Variants in HLCS observed in about 807,000 individuals in gnomAD.
The protein encoded by HLCS is biotin--protein ligase.
A neutral mutation model predicts 75.0 loss-of-function variants in HLCS; 53 were observed. The ratio of observed to expected loss-of-function variants is 0.71; its 90% CI spans 0.57 to 0.89. HLCS has a LOEUF of 0.89. Ranked by LOEUF, HLCS falls within the 40% of genes least tolerant of loss-of-function variation. HLCS has a pLI of 0.00. For synonymous variants in HLCS, 431 were observed against 428.6 expected, an observed-to-expected ratio of 1.01 and a Z score of -0.07; for missense variants, 966 against 1,074.0, an observed-to-expected ratio of 0.90 and a Z score of 1.41.
intron 8 of HLCS, among the ~76,000 whole-genome samples, chr21:36,761,178 C>T (rs1486387342): frequency 4.6e-5 from 7 of 152,284 alleles, no homozygotes; most frequent in East Asian, 1.9e-4. Context: ...GAGGGAGAAA[C>T]GGAAGCTTAG....
chr21:36,799,007 A>T (rs529023988), intron 6 of HLCS, among the ~76,000 whole-genome samples: 46 of 152,110 alleles, frequency 3.0e-4, no homozygotes, highest in African/African-American at 1.0e-3. Context: ...TGTGTTTTAT[A>T]AAAAAAAGAA....
intron 6 of HLCS, among the ~76,000 whole-genome samples, chr21:36,838,330 C>A (rs76794540): frequency 0.021 from 2,946 of 138,546 alleles, 36 homozygotes; most frequent in Middle Eastern, 0.034. Context: ...ACACACACAC[C>A]CCCACAACCA....
At position 36,826,171 on chromosome 21, in the gene HLCS, C is replaced by T. The variant is rs558152271; in HGVS notation, c.1893-58886G>A. ...TACACTGCACACTCGTGAAACAGTT[C>T]CTAACAAGCCTAGATGAATTTCAGT... On this transcript the variant is annotated intron_variant, in intron 6 of 10. Transcript: ENST00000674895. Among the ~76,000 whole-genome samples, 11 of 152,260 alleles carry T rather than the reference C, an allele frequency of 7.2e-5. No homozygotes were observed. The Middle Eastern group carries it at 0.01, about 141-fold the overall frequency.
intron 6 of HLCS, among the ~76,000 whole-genome samples, chr21:36,829,944 A>C (rs1167227148): frequency 6.6e-6 from 1 of 152,218 alleles, no homozygotes; most frequent in African/African-American, 2.4e-5. Context: ...TGTCCCCCTA[A>C]AAATTCAGAT....
intron 6 of HLCS, among the ~76,000 whole-genome samples, chr21:36,797,734 T>C (rs2061069525): frequency 6.6e-6 from 1 of 152,206 alleles, no homozygotes; most frequent in African/African-American, 2.4e-5. Flanking sequence ...GCCGTTAGCG[T>C]AGGATGCAAT....
intron 6 of HLCS, among the ~76,000 whole-genome samples, chr21:36,836,557 A>G (rs1297391511): frequency 2.0e-5 from 3 of 149,124 alleles, no homozygotes; most frequent in Non-Finnish European, 4.4e-5. Context: ...AAAAGAAACT[A>G]CCATCAGAGT....
intron 5 of HLCS, among the ~76,000 whole-genome samples, chr21:36,917,540 G>T (rs1251281180): frequency 1.3e-5 from 2 of 152,162 alleles, no homozygotes. Context: ...AAACACACAA[G>T]TCTTAATCTT....
chr21:36,828,655 C>T (rs1302545746), intron 6 of HLCS, among the ~76,000 whole-genome samples: 2 of 151,982 alleles, frequency 1.3e-5, no homozygotes, highest in African/African-American at 2.4e-5. Flanking sequence ...AGTGGATAAG[C>T]AATTAAAGAT....
chr21:36,909,479 G>GT (rs2065607966), intron 5 of HLCS, among the ~76,000 whole-genome samples: 1 of 152,182 alleles, frequency 6.6e-6, no homozygotes, highest in African/African-American at 2.4e-5. Context: ...GCTTGAATCT[G>GT]TATCTAGTGC....
At chr21:36,843,011 C>G (rs1304862345) in intron 6 of HLCS, among the ~76,000 whole-genome samples, 1 of 152,212 alleles carries the variant, frequency 6.6e-6, no homozygotes, top group African/African-American at 2.4e-5. Context: ...GTCTTATCTT[C>G]TAGACTTTGG....
intron 6 of HLCS, among the ~76,000 whole-genome samples, chr21:36,849,597 G>C (rs903914158): frequency 5.9e-5 from 9 of 152,160 alleles, no homozygotes; most frequent in African/African-American, 2.2e-4. Context: ...TTTCTGCTGG[G>C]GGCAGGGGTA....
rs1164028066 is a variant in HLCS at position 36,896,557 on chromosome 21, C to T, written c.1892+303G>A. ...AATGATAACCTGAGCAATAATGCCA[C>T]CGGTTAAACATCTTTTTTCATAATA... On this transcript the variant is annotated intron_variant, in intron 6 of 10. Coordinates refer to ENST00000674895, the MANE Select transcript of HLCS (RefSeq NM_001352514.2). 1.2e-5 allele frequency: 5 copies of T among 425,120 alleles called. No homozygotes were observed. The Admixed American group carries it at 1.5e-4, about 13-fold the overall frequency. The allele number at this position is 425,120 out of a possible 1,614,324, so 26.3% of individuals were successfully genotyped here.
chr21:36,755,578 C>T (rs907137504), intron 10 of HLCS, among the ~76,000 whole-genome samples: 5 of 152,178 alleles, frequency 3.3e-5, no homozygotes, highest in Admixed American at 6.5e-5. Context: ...TCCCACTGTC[C>T]TTTTAATATC....
At chr21:36,846,123 C>T (rs1219120694) in intron 6 of HLCS, among the ~76,000 whole-genome samples, 2 of 152,114 alleles carry the variant, frequency 1.3e-5, no homozygotes, top group Non-Finnish European at 2.9e-5. Context: ...ATGTTGGTTT[C>T]CTAAAAGTGA....
chr21:36,868,868 G>C (rs1342030501), intron 6 of HLCS, among the ~76,000 whole-genome samples: 1 of 152,130 alleles, frequency 6.6e-6, no homozygotes, highest in Non-Finnish European at 1.5e-5. Flanking sequence ...CTGGGAGACA[G>C]CACAGGCTCC....
At chr21:36,793,190 C>T (rs558735728) in intron 6 of HLCS, among the ~76,000 whole-genome samples, 3 of 151,998 alleles carry the variant, frequency 2.0e-5, no homozygotes, top group African/African-American at 7.2e-5. Flanking sequence ...CCTTAGGTAC[C>T]GATTCATTTT....
intron 2 of HLCS, among the ~76,000 whole-genome samples, chr21:36,941,592 A>G (rs754114277): frequency 6.6e-6 from 1 of 152,238 alleles, no homozygotes. Flanking sequence ...AAGAATGAAC[A>G]TAGGCTGGGC....
At chr21:36,909,975 C>T (rs1228285634) in intron 5 of HLCS, among the ~76,000 whole-genome samples, 1 of 152,204 alleles carries the variant, frequency 6.6e-6, no homozygotes, top group Non-Finnish European at 1.5e-5. Context: ...TCAGTCATAA[C>T]ATCGTAAGTT....
intron 2 of HLCS, among the ~76,000 whole-genome samples, chr21:36,942,054 C>A (rs1008612164): frequency 6.0e-5 from 9 of 151,042 alleles, no homozygotes; most frequent in Admixed American, 6.6e-5. Context: ...CACCTGTAAT[C>A]CCAGCTACTC....
Sources: allele counts gnomAD v4.1 joint callset (sites outside exome capture counted in the v4.1 genomes callset), GRCh38; gene constraint gnomAD v4.1.1; transcripts MANE v1.5; gene names NCBI Gene and HGNC (gene_info 2026-07-23, HGNC 2026-07-21).